HCN1: variants seen among roughly 807,000 people sequenced by gnomAD.
The protein encoded by HCN1 is potassium/sodium hyperpolarization-activated cyclic nucleotide-gated channel 1.
HCN1 carries 13 observed loss-of-function variants against 78.9 expected under a neutral mutation model. The ratio of observed to expected loss-of-function variants is 0.16; its 90% CI spans 0.11 to 0.26. The LOEUF (loss-of-function observed/expected upper bound fraction) is 0.26, where lower values mean the gene tolerates loss of function less well. Among genes scored for constraint, HCN1 ranks in the 10% least tolerant of loss-of-function variants. The pLI is 1.00. For missense variants in HCN1, 810 were observed against 1,154.3 expected (o/e 0.70, Z 4.32); for synonymous variants, 552 against 455.5 (o/e 1.21, Z -2.70).
intron 2 of HCN1, among the ~76,000 whole-genome samples, chr5:45,523,843 G>C (rs1469892767): frequency 1.8e-4 from 27 of 152,086 alleles, no homozygotes; most frequent in African/African-American, 6.0e-4. Flanking sequence ...TTCTTTTGCT[G>C]TGCAGAAGCT....
At chr5:45,379,432 CTT>C (rs933709489) in intron 4 of HCN1, among the ~76,000 whole-genome samples, 6 of 151,936 alleles carry the variant, frequency 3.9e-5, no homozygotes, top group African/African-American at 1.5e-4. Flanking sequence ...GAAATTAAAA[CTT>C]AAATTTAGTG....
At chr5:45,580,502 T>C (rs1442829575) in intron 2 of HCN1, among the ~76,000 whole-genome samples, 1 of 152,096 alleles carries the variant, frequency 6.6e-6, no homozygotes, top group Non-Finnish European at 1.5e-5. Context: ...ATCAGACTTC[T>C]GATCTACAGA....
At chr5:45,354,639 T>C (rs1009994028) in intron 4 of HCN1, among the ~76,000 whole-genome samples, 4 of 152,056 alleles carry the variant, frequency 2.6e-5, no homozygotes, top group African/African-American at 9.7e-5. Flanking sequence ...AAAAAAATTA[T>C]ATTGTTTGAA....
chr5:45,283,772 C>T (rs552248357), intron 6 of HCN1, among the ~76,000 whole-genome samples: 2 of 152,214 alleles, frequency 1.3e-5, no homozygotes, highest in South Asian at 2.1e-4. Context: ...ACCATTGGAA[C>T]CAGCTATCCC....
chr5:45,420,296 C>G (rs1448294211), intron 3 of HCN1, among the ~76,000 whole-genome samples: 1 of 152,076 alleles, frequency 6.6e-6, no homozygotes, highest in Non-Finnish European at 1.5e-5. Flanking sequence ...TGCTACAGAA[C>G]CCCCCAAAAT....
intron 1 of HCN1, among the ~76,000 whole-genome samples, chr5:45,660,653 C>T (rs1476065410): frequency 6.7e-6 from 1 of 149,256 alleles, no homozygotes. Context: ...GGGTTGCAAT[C>T]CTAGTCTCTG....
intron 2 of HCN1, among the ~76,000 whole-genome samples, chr5:45,615,586 G>A (rs912242668): frequency 1.3e-5 from 2 of 151,792 alleles, no homozygotes; most frequent in African/African-American, 2.4e-5. Context: ...CACAATTCTC[G>A]CCTGAAGCCC....
chr5:45,539,010 A>G (rs766216593), intron 2 of HCN1, among the ~76,000 whole-genome samples: 2 of 152,182 alleles, frequency 1.3e-5, no homozygotes, highest in African/African-American at 2.4e-5. Context: ...GTCTTCCTAA[A>G]GAACCAGATT....
chr5:45,687,191 G>T (rs1403165766), intron 1 of HCN1, among the ~76,000 whole-genome samples: 1 of 152,040 alleles, frequency 6.6e-6, no homozygotes, highest in Admixed American at 6.6e-5. Context: ...TTTGTTTGTT[G>T]CTTATTCAAT....
intron 2 of HCN1, among the ~76,000 whole-genome samples, chr5:45,526,025 A>C (rs1372375755): frequency 6.6e-6 from 1 of 151,936 alleles, no homozygotes; most frequent in Non-Finnish European, 1.5e-5. Flanking sequence ...TCGGCAAACC[A>C]AAAGAGGCCC....
At chr5:45,396,454 G>T in intron 4 of HCN1, 38 bp downstream of exon 4, 1 of 1,511,904 alleles carries the variant, frequency 6.6e-7, no homozygotes, top group Non-Finnish European at 9.1e-7. Context: ...GTTCAGGTTA[G>T]CTGGTTAAAG....
At chr5:45,618,581 C>A (rs950463324) in intron 2 of HCN1, among the ~76,000 whole-genome samples, 2 of 152,088 alleles carry the variant, frequency 1.3e-5, no homozygotes, top group Admixed American at 6.6e-5. Flanking sequence ...TTAGAGAACA[C>A]GTGTAATTCA....
At chr5:45,527,929 AG>A (rs1035751470) in intron 2 of HCN1, among the ~76,000 whole-genome samples, 10 of 105,162 alleles carry the variant, frequency 9.5e-5, no homozygotes, top group African/African-American at 2.2e-4. Flanking sequence ...TTCTAAATTT[AG>A]GGTTTTTTTT....
chr5:45,320,009 G>A (rs13170143), intron 5 of HCN1, among the ~76,000 whole-genome samples: 1,946 of 151,858 alleles, frequency 0.013, 23 homozygotes, highest in Non-Finnish European at 0.021. Flanking sequence ...AAAGTTTTAA[G>A]CATGGTAGCT....
chr5:45,280,999 G>A (rs1745150496), intron 6 of HCN1, among the ~76,000 whole-genome samples: 1 of 150,834 alleles, frequency 6.6e-6, no homozygotes, highest in Non-Finnish European at 1.5e-5. Flanking sequence ...AGAATCTGTG[G>A]CATTTAGATT....
chr5:45,373,049 T>G (rs917151063), intron 4 of HCN1, among the ~76,000 whole-genome samples: 1 of 135,398 alleles, frequency 7.4e-6, no homozygotes, highest in South Asian at 2.2e-4. Context: ...ATATAAAATA[T>G]AATATATATA....
chr5:45,488,162 A>T (rs1369324666), intron 2 of HCN1, among the ~76,000 whole-genome samples: 2 of 151,998 alleles, frequency 1.3e-5, no homozygotes, highest in Non-Finnish European at 2.9e-5. Context: ...ATTGCAAACT[A>T]CCTTCTCCCA....
chr5:45,285,769 G>C (rs928853003), intron 6 of HCN1, among the ~76,000 whole-genome samples: 1 of 151,828 alleles, frequency 6.6e-6, no homozygotes, highest in Non-Finnish European at 1.5e-5. Flanking sequence ...TTATTTTCTA[G>C]GACCATCCAT....
At chr5:45,493,926 G>A (rs986128754) in intron 2 of HCN1, among the ~76,000 whole-genome samples, 1 of 152,000 alleles carries the variant, frequency 6.6e-6, no homozygotes, top group Non-Finnish European at 1.5e-5. Flanking sequence ...CAAAGGACAT[G>A]AACTCATCAT....
Sources: allele counts gnomAD v4.1 joint callset (sites outside exome capture counted in the v4.1 genomes callset), GRCh38; gene constraint gnomAD v4.1.1; transcripts MANE v1.5; gene names NCBI Gene and HGNC (gene_info 2026-07-23, HGNC 2026-07-21).